Variants in CDH3 observed in about 807,000 individuals in gnomAD.
The protein encoded by CDH3 is cadherin 3, also known as cadherin-3.
In CDH3, 54 loss-of-function variants were observed where a neutral mutation model predicts 82.0. The observed-to-expected ratio is 0.66, with a 90% CI of 0.53 to 0.83. The LOEUF is 0.83. CDH3 is among the 40% of genes least tolerant of loss of function. CDH3 has a pLI of 0.00. For synonymous variants in CDH3, 446 were observed against 437.9 expected (o/e 1.02, Z -0.23); for missense variants, 1,054 against 1,084.6 (o/e 0.97, Z 0.40).
At chr16:68,695,704 G>A in intron 14 of CDH3, 73 bp from the exon 15 acceptor site, 1 of 1,531,086 alleles carries the variant, frequency 6.5e-7, no homozygotes, top group Non-Finnish European at 9.0e-7. Context: ...AGGGGGTGTG[G>A]GGTGAGATGT....
At chr16:68,660,055 AAG>A (rs1960517791) in intron 2 of CDH3, among the ~76,000 whole-genome samples, 1 of 152,176 alleles carries the variant, frequency 6.6e-6, no homozygotes. Flanking sequence ...TGGTGTAGGG[AAG>A]AGTTAACATC....
At chr16:68,726,123 C>A (rs559540087) in intron 2 of CDH3, among the ~76,000 whole-genome samples, 2 of 152,258 alleles carry the variant, frequency 1.3e-5, no homozygotes, top group East Asian at 1.9e-4. Context: ...ATGCTGGGAA[C>A]CACTGTGCCA....
rs1437986332 is a variant in CDH3 at position 68,698,288 on chromosome 16, G to A, written c.2378G>A (p.Ser793Asn). The A allele has an allele frequency of 1.9e-6, 3 of 1,614,256 alleles. No homozygotes were observed. Among genetic ancestry groups the A allele is most frequent in the East Asian group, 2.2e-5 (1 of 44,892 alleles). ...EGSGSDAASLSSLTSSASDQD... is the reference protein window; with the variant it reads ...EGSGSDAASLNSLTSSASDQD... ...AGCGGCTCCGACGCCGCGTCCCTGAGCTCCCTCACCTCCTCCGCCTCCGAC... is the reference window on the plus strand; with the variant it reads ...AGCGGCTCCGACGCCGCGTCCCTGAACTCCCTCACCTCCTCCGCCTCCGAC... Residue 793 changes from serine (S) to asparagine (N), a missense_variant, in exon 16 of 16, where the codon AGC becomes AAC. Physicochemically the swap from Ser to Asn is conservative, Grantham distance 46. Coordinates refer to ENST00000264012, the MANE Select transcript of CDH3 (RefSeq NM_001793.6).
intron 2 of CDH3, among the ~76,000 whole-genome samples, chr16:68,667,588 G>A (rs3114396): frequency 0.67 from 101,292 of 152,042 alleles, 34,589 homozygotes; most frequent in East Asian, 0.77. Context: ...GGAGTATGGA[G>A]GTGTCTAGGC....
In CDH3 at chr16:68,714,740, C is replaced by CG. The variant is rs144772387; in HGVS notation, c.100-7682dup. ...CCTCATTTAAGTATCAAGACAAGGCCGGGTTCAGTGGTTTGTCTGTAATCC... is the reference window on the plus strand; with the variant it reads ...CCTCATTTAAGTATCAAGACAAGGCCGGGGTTCAGTGGTTTGTCTGTAATCC... On this transcript the variant is annotated intron_variant, in intron 1 of 2. Coordinates refer to the CDH3 transcript ENST00000569080. 9.7e-3 allele frequency among the ~76,000 whole-genome samples: 1,484 copies of CG among 152,272 alleles called. 26 individuals carry two copies. The highest frequency in any genetic ancestry group is 0.033 in the African/African-American group (1,387 of 41,544).
rs1305151947 is a variant in CDH3, at chr16:68,678,627, C to T, written c.517C>T (p.Leu173=). 1.9e-6 allele frequency: 3 copies of T among 1,614,134 alleles called. No homozygotes were observed. Among genetic ancestry groups the T allele is most frequent in the African/African-American group, 1.3e-5 (1 of 74,950 alleles). Reference sequence around the variant, plus strand: ...AGGCTGGTTGTTGTTGAATAAGCCACTGGACCGGGAGGAGATTGCCAAGTA... The same window carrying T: ...AGGCTGGTTGTTGTTGAATAAGCCATTGGACCGGGAGGAGATTGCCAAGTA... The part of the protein sequence containing the change: ...ETGWLLLNKP[L]DREEIAKYEL... Residue 173 remains leucine, a synonymous_variant, in exon 5 of 16, where the codon CTG becomes TTG. Transcript: ENST00000264012.
Position 68,666,424 on chromosome 16 carries a change from A to G in CDH3, c.161-9961A>G, listed in dbSNP as rs1431419371. ...AGAGCTGCCCCAAGCTTGCTAGGCA[A>G]GGGCAATGGGCCTCCCAGCATGCCC... On this transcript the variant is annotated intron_variant, in intron 2 of 15. Transcript: ENST00000264012. Among the ~76,000 whole-genome samples the G allele has an allele frequency of 2.0e-5, 3 of 152,226 alleles. No individual in the cohort carries two copies. The East Asian group carries it at 5.8e-4, about 29-fold the overall frequency.
intron 2 of CDH3, 38 bp downstream of exon 2, chr16:68,645,788 C>T (rs1960041231): frequency 2.0e-6 from 3 of 1,470,960 alleles, no homozygotes; most frequent in African/African-American, 2.8e-5. Context: ...GTAGGGGCCG[C>T]ACGTGACCAT....
chr16:68,731,390 A>AT (rs1962286610), downstream of CDH3, among the ~76,000 whole-genome samples: 5 of 24,782 alleles, frequency 2.0e-4, 1 homozygote, highest in African/African-American at 8.7e-4. Flanking sequence ...AAAAAAAAAA[A>AT]AAAAAATATA....
intron 1 of CDH3, among the ~76,000 whole-genome samples, chr16:68,709,406 C>T (rs531711072): frequency 6.6e-6 from 1 of 152,170 alleles, no homozygotes; most frequent in East Asian, 1.9e-4. Flanking sequence ...TGCTGGCAAG[C>T]AAGAGAGGCA....
At chr16:68,693,483 T>C (rs559577183) in intron 13 of CDH3, among the ~76,000 whole-genome samples, 2 of 152,142 alleles carry the variant, frequency 1.3e-5, no homozygotes, top group African/African-American at 2.4e-5. Context: ...CGCAAGGCTT[T>C]CGGCTTAAGG....
Position 68,654,650 on chromosome 16 carries a change from C to T in CDH3, c.160+8900C>T, listed in dbSNP as rs552722761. Among the ~76,000 whole-genome samples, 48 of 143,592 alleles carry T rather than the reference C, an allele frequency of 3.3e-4. No homozygotes were observed. In the East Asian group the frequency reaches 8.2e-3, roughly 25 times the overall value. The allele number at this position is 143,592 out of a possible 152,430, so 94.2% of individuals were successfully genotyped here. A position where few individuals can be genotyped will look rare whatever the true frequency, so the allele number is the denominator to read the frequency against. ...TCTGAGAGGTGGAGGTTGCAGTGAGCGGAGATCGTGTCACTGCACTCCAGG... is the reference window on the plus strand; with the variant it reads ...TCTGAGAGGTGGAGGTTGCAGTGAGTGGAGATCGTGTCACTGCACTCCAGG... On this transcript the variant is annotated intron_variant, in intron 2 of 15. Coordinates refer to ENST00000264012, the MANE Select transcript of CDH3 (RefSeq NM_001793.6).
intron 2 of CDH3, among the ~76,000 whole-genome samples, chr16:68,668,504 A>G (rs1423253470): frequency 6.6e-6 from 1 of 152,162 alleles, no homozygotes. Flanking sequence ...ACCATTTACT[A>G]TGTCTTGACT....
downstream of CDH3, among the ~76,000 whole-genome samples, chr16:68,704,286 C>CA (rs922482618): frequency 0.018 from 1,761 of 100,360 alleles, 32 homozygotes; most frequent in East Asian, 0.096. Flanking sequence ...GACTTCGTCT[C>CA]AAAAAAAAAA....
At chr16:68,713,107 T>C (rs532926529) in intron 1 of CDH3, among the ~76,000 whole-genome samples, 1 of 152,236 alleles carries the variant, frequency 6.6e-6, no homozygotes, top group Admixed American at 6.5e-5. Context: ...TGTGTCTCTA[T>C]GGAAATGAAG....
At position 68,678,252 on chromosome 16, in the gene CDH3, G is replaced by A; in HGVS notation, c.365G>A (p.Gly122Asp). 1 of 1,614,142 alleles carries A rather than the reference G, an allele frequency of 6.2e-7. No homozygotes were observed. Among genetic ancestry groups the A allele is most frequent in the Non-Finnish European group, 8.5e-7 (1 of 1,180,014 alleles). ...APISVPENGK[G>D]PFPQRLNQLK... ...ATATCTGTCCCTGAAAATGGCAAGGGTCCCTTCCCCCAGAGACTGAATCAG... is the reference window on the plus strand; with the variant it reads ...ATATCTGTCCCTGAAAATGGCAAGGATCCCTTCCCCCAGAGACTGAATCAG... Residue 122 changes from glycine to aspartate, a missense_variant, in exon 4 of 16, where the codon GGT becomes GAT. Physicochemically the swap from Gly to Asp is moderately conservative, Grantham distance 94. Coordinates refer to ENST00000264012, the MANE Select transcript of CDH3 (RefSeq NM_001793.6).
At chr16:68,677,054 T>C (rs1443931451) in intron 3 of CDH3, among the ~76,000 whole-genome samples, 1 of 152,256 alleles carries the variant, frequency 6.6e-6, no homozygotes, top group Non-Finnish European at 1.5e-5. Flanking sequence ...ATATAGTCTA[T>C]ACTTACATGT....
intron 2 of CDH3, among the ~76,000 whole-genome samples, chr16:68,675,469 G>C (rs1961003339): frequency 6.6e-6 from 1 of 152,134 alleles, no homozygotes; most frequent in Non-Finnish European, 1.5e-5. Context: ...CTTGGAGTCG[G>C]GTAGACCTGG....
chr16:68,683,789 C>G (rs1017698559), intron 9 of CDH3, among the ~76,000 whole-genome samples: 1 of 150,496 alleles, frequency 6.6e-6, no homozygotes, highest in Non-Finnish European at 1.5e-5. Flanking sequence ...TCGCTGGGGC[C>G]GGGCACGATT....
Sources: gnomAD v4.1 joint callset for allele counts (sites outside exome capture counted in the v4.1 genomes callset) on GRCh38, gnomAD v4.1.1 for gene constraint, MANE v1.5 for transcripts, NCBI Gene and HGNC (gene_info 2026-07-23, HGNC 2026-07-21) for gene names.